CDH23: variants seen among roughly 807,000 people sequenced by gnomAD.
CDH23 encodes the protein cadherin-23.
A neutral mutation model predicts 317.1 loss-of-function variants in CDH23; 189 were observed. The observed-to-expected ratio is 0.60, with a 90% CI of 0.53 to 0.67. The LOEUF is 0.67. CDH23 is among the 30% of genes least tolerant of loss of function. The pLI is 0.00. For missense variants in CDH23, 4,401 were observed against 4,592.4 expected (o/e 0.96, Z 1.20); for synonymous variants, 1,839 against 1,876.8 (o/e 0.98, Z 0.52).
chr10:71,507,269 A>C lies in CDH23; in HGVS notation c.146-2813A>C, dbSNP rs936258075. On this transcript the variant is annotated intron_variant, in intron 3 of 69. Coordinates refer to ENST00000224721, the MANE Select transcript of CDH23 (RefSeq NM_022124.6). ...TGCCCAAGGCTTTGGGAGGTAACTC[A>C]GTGTTTCCCAAACTTTGCCACTAGA... Among the ~76,000 whole-genome samples, 5 of 152,350 alleles carry C rather than the reference A, an allele frequency of 3.3e-5. No homozygotes were observed. In the East Asian group the frequency reaches 9.6e-4, roughly 29 times the overall value.
At chr10:71,614,667 C>T (rs1451907253) in intron 9 of CDH23, among the ~76,000 whole-genome samples, 1 of 152,212 alleles carries the variant, frequency 6.6e-6, no homozygotes, top group Non-Finnish European at 1.5e-5. Flanking sequence ...CTAGAGAAGT[C>T]AGGACTGCCT....
At chr10:71,619,041 A>G (rs974761639) in intron 11 of CDH23, among the ~76,000 whole-genome samples, 7 of 152,188 alleles carry the variant, frequency 4.6e-5, no homozygotes, top group African/African-American at 1.7e-4. Context: ...TACATTTTAA[A>G]ACATATTTTT....
chr10:71,697,066 G>T (rs867928740), intron 22 of CDH23, among the ~76,000 whole-genome samples: 5 of 152,356 alleles, frequency 3.3e-5, no homozygotes, highest in Middle Eastern at 3.4e-3. Flanking sequence ...GGTGAGGAAG[G>T]TTGCTCTGGG....
chr10:71,463,629 G>T (rs888181196), intron 3 of CDH23, among the ~76,000 whole-genome samples: 1 of 152,188 alleles, frequency 6.6e-6, no homozygotes, highest in Admixed American at 6.5e-5. Context: ...TCCTGCCAGG[G>T]TGTTCTTGTC....
rs116386010 is a variant in CDH23, at chr10:71,652,337, C to G, written c.1449+5720C>G. ...CCCTGCAATCCTGTCTTACTATGAG[C>G]TGGTCACTCCTTCTCTGGGACTTGG... On this transcript the variant is annotated intron_variant, in intron 14 of 69. Coordinates refer to ENST00000224721, the MANE Select transcript of CDH23 (RefSeq NM_022124.6). Among the ~76,000 whole-genome samples the G allele has an allele frequency of 7.6e-3, 1,165 of 152,372 alleles. 13 individuals are homozygous for G. Among genetic ancestry groups the G allele is most frequent in the African/African-American group, 0.027 (1,109 of 41,592 alleles).
intron 6 of CDH23, among the ~76,000 whole-genome samples, chr10:71,532,049 C>T (rs937389241): frequency 2.0e-5 from 3 of 152,128 alleles, no homozygotes; most frequent in Non-Finnish European, 4.4e-5. Flanking sequence ...CAGAGAGACC[C>T]CAGAGCAAAA....
At chr10:71,605,151 G>A (rs2166637) in intron 9 of CDH23, among the ~76,000 whole-genome samples, 9,604 of 151,994 alleles carry the variant, frequency 0.063, 1,006 homozygotes, top group African/African-American at 0.22. Flanking sequence ...GCAATTCCGC[G>A]GCATTAATTA....
chr10:71,446,920 C>T (rs1013187036), intron 3 of CDH23, among the ~76,000 whole-genome samples: 2 of 152,206 alleles, frequency 1.3e-5, no homozygotes, highest in African/African-American at 4.8e-5. Flanking sequence ...TAGCTCAGCT[C>T]TTAGGACCCA....
chr10:71,414,412 A>G (rs569079062), intron 1 of CDH23, among the ~76,000 whole-genome samples: 1 of 152,310 alleles, frequency 6.6e-6, no homozygotes, highest in Non-Finnish European at 1.5e-5. Context: ...GTCTATTGAA[A>G]TGATCATATA....
At chr10:71,783,260 G>A (rs1241874507) in intron 41 of CDH23, among the ~76,000 whole-genome samples, 1 of 152,102 alleles carries the variant, frequency 6.6e-6, no homozygotes, top group Non-Finnish European at 1.5e-5. Context: ...CACCATTCTT[G>A]CCTCTCCAGC....
Position 71,803,271 on chromosome 10 carries a change from G to A in CDH23, c.7723G>A (p.Glu2575Lys), listed in dbSNP as rs762925264. The change falls in exon 55 of 70, where the codon GAG becomes AAG. Residue 2575 changes from glutamate to lysine, a missense_variant. Coordinates refer to ENST00000224721, the MANE Select transcript of CDH23 (RefSeq NM_022124.6). ...VTTQRPLQSY[E>K]KFSLTVVATD... ...CACACAGCGGCCACTGCAGTCCTACGAGAAGTTCAGTCTGACCGTGGTGGC... is the reference window on the plus strand; with the variant it reads ...CACACAGCGGCCACTGCAGTCCTACAAGAAGTTCAGTCTGACCGTGGTGGC... 1.3e-5 allele frequency: 21 copies of A among 1,592,570 alleles called. No individual in the cohort carries two copies. The highest frequency in any genetic ancestry group is 3.5e-5 in the Admixed American group (2 of 57,214).
chr10:71,508,280 G>A (rs190805397), intron 3 of CDH23: 1 of 152,332 alleles, frequency 6.6e-6, no homozygotes, highest in East Asian at 1.9e-4. Context: ...GGATCTGATA[G>A]GTCATGTCCA....
intron 11 of CDH23, among the ~76,000 whole-genome samples, chr10:71,642,802 G>T (rs1242169287): frequency 6.6e-6 from 1 of 152,160 alleles, no homozygotes; most frequent in Non-Finnish European, 1.5e-5. Flanking sequence ...GGGCTGGAGG[G>T]GCCCGTGGGA....
intron 3 of CDH23, among the ~76,000 whole-genome samples, chr10:71,505,643 G>A (rs78306112): frequency 6.6e-6 from 1 of 152,178 alleles, no homozygotes; most frequent in African/African-American, 2.4e-5. Flanking sequence ...GAGGGACAGA[G>A]GGCAGGGTAC....
intron 3 of CDH23, among the ~76,000 whole-genome samples, chr10:71,492,322 G>A (rs1425656892): frequency 6.6e-6 from 1 of 152,202 alleles, no homozygotes; most frequent in African/African-American, 2.4e-5. Flanking sequence ...ATACTAGACT[G>A]GAAGGGTAGA....
intron 38 of CDH23, among the ~76,000 whole-genome samples, chr10:71,763,406 C>A (rs1383284290): frequency 6.6e-6 from 1 of 152,252 alleles, no homozygotes; most frequent in Non-Finnish European, 1.5e-5. Context: ...CTGATACATC[C>A]TTTTCATTGC....
chr10:71,812,319 A>C (rs1841959822), intron 66 of CDH23, 161 bp from the exon 67 acceptor site: 1 of 1,598,644 alleles, frequency 6.3e-7, no homozygotes, highest in Non-Finnish European at 8.5e-7. Flanking sequence ...GCAGGATCCT[A>C]TGGTGGGAGC....
chr10:71,779,590 CAA>C (rs1840902106), intron 41 of CDH23, 143 bp downstream of exon 41: 3 of 611,428 alleles, frequency 4.9e-6, no homozygotes, highest in African/African-American at 3.7e-5. Context: ...CCATCTATGA[CAA>C]TGATGGAAAT....
At chr10:71,638,964 G>A (rs1027053129) in intron 11 of CDH23, among the ~76,000 whole-genome samples, 2 of 152,194 alleles carry the variant, frequency 1.3e-5, no homozygotes, top group Non-Finnish European at 2.9e-5. Context: ...TCGTGGGGGT[G>A]GGAAAGCTGC....
Sources: allele counts gnomAD v4.1 joint callset (sites outside exome capture counted in the v4.1 genomes callset), GRCh38; gene constraint gnomAD v4.1.1; transcripts MANE v1.5; gene names NCBI Gene and HGNC (gene_info 2026-07-23, HGNC 2026-07-21).